Variants in LGI1 observed in about 807,000 individuals in gnomAD.
LGI1 encodes leucine-rich glioma-inactivated protein 1.
LGI1 carries 11 observed loss-of-function variants against 57.7 expected under a neutral mutation model. The ratio of observed to expected loss-of-function variants is 0.19; its 90% CI spans 0.12 to 0.32. The LOEUF is 0.32. Among genes scored for constraint, LGI1 ranks in the 10% least tolerant of loss-of-function variants. The pLI, the probability that LGI1 is intolerant of heterozygous loss-of-function variation, is 1.00. For synonymous variants in LGI1, 222 were observed against 241.9 expected (o/e 0.92, Z 0.76); for missense variants, 422 against 661.9 (o/e 0.64, Z 3.98).
chr10:93,775,305 T>C (rs966766206), intron 2 of LGI1, among the ~76,000 whole-genome samples: 1 of 152,206 alleles, frequency 6.6e-6, no homozygotes, highest in African/African-American at 2.4e-5. Context: ...TTTATATAAG[T>C]ACAGTCATAT....
chr10:93,764,231 T>C (rs10882330), intron 2 of LGI1: 45,134 of 151,994 alleles, frequency 0.3, 6,931 homozygotes, highest in South Asian at 0.43. Flanking sequence ...TGTATTTGAA[T>C]GCATTAGTTT....
At chr10:93,791,003 A>G (rs1040023307) in intron 5 of LGI1, 1 of 152,242 alleles carries the variant, frequency 6.6e-6, no homozygotes, top group Non-Finnish European at 1.5e-5. Context: ...TATATTCAAA[A>G]CAACTTTTCT....
At chr10:93,773,252 C>T (rs1269821433) in intron 2 of LGI1, among the ~76,000 whole-genome samples, 2 of 152,030 alleles carry the variant, frequency 1.3e-5, no homozygotes, top group South Asian at 2.1e-4. Context: ...TTCTTAAATC[C>T]GTATGAGCTG....
intron 2 of LGI1, chr10:93,777,054 C>T (rs184605345): frequency 2.1e-5 from 9 of 428,938 alleles, no homozygotes; most frequent in Admixed American, 1.5e-4. Context: ...ATTGTTAGTG[C>T]CTTTGTCATG....
chr10:93,784,590 C>T (rs1450015630), intron 4 of LGI1, among the ~76,000 whole-genome samples: 1 of 152,172 alleles, frequency 6.6e-6, no homozygotes, highest in African/African-American at 2.4e-5. Flanking sequence ...GAGCCTGGTA[C>T]TCCTTAAACC....
intron 4 of LGI1, chr10:93,782,983 T>C (rs924189401): frequency 1.4e-4 from 22 of 152,278 alleles, no homozygotes; most frequent in Admixed American, 1.2e-3. Flanking sequence ...TCATCATTTC[T>C]GTGAAGAAGG....
chr10:93,794,019 C>CTTTTTTTTTTTTTTTTTTTTTTT (rs5787082), intron 7 of LGI1: 1 of 87,836 alleles, frequency 1.1e-5, no homozygotes, highest in African/African-American at 4.0e-5. Context: ...CTTTTTTTTT[C>CTTTTTTTTTTTTTTTTTTTTTTT]TTTTTTTTTT....
chr10:93,793,731 C>CG (rs1180616821), intron 7 of LGI1, among the ~76,000 whole-genome samples: 1 of 152,158 alleles, frequency 6.6e-6, no homozygotes, highest in African/African-American at 2.4e-5. Flanking sequence ...CACTGACACC[C>CG]CTCAACCCCT....
chr10:93,790,508 T>C, intron 5 of LGI1: 1 of 259,810 alleles, frequency 3.8e-6, no homozygotes, highest in South Asian at 5.5e-5. Flanking sequence ...GTCCAGGAAA[T>C]AGGGCTACAA....
intron 2 of LGI1, chr10:93,764,476 G>T (rs1160368426): frequency 6.6e-6 from 1 of 152,136 alleles, no homozygotes; most frequent in African/African-American, 2.4e-5. Flanking sequence ...GCTGGTTGTT[G>T]ATCCTGTGGC....
chr10:93,782,677 C>T (rs1564847123), intron 4 of LGI1: 1 of 152,250 alleles, frequency 6.6e-6, no homozygotes, highest in Non-Finnish European at 1.5e-5. Context: ...ATGCTAAATG[C>T]TACAGTGTAT....
At chr10:93,772,876 A>G (rs1361436104) in intron 2 of LGI1, 1 of 151,970 alleles carries the variant, frequency 6.6e-6, no homozygotes. Context: ...GGAGTTCAAG[A>G]CCAGCCTGGG....
chr10:93,762,094 T>C (rs2133979816), intron 2 of LGI1, among the ~76,000 whole-genome samples: 1 of 152,362 alleles, frequency 6.6e-6, no homozygotes, highest in East Asian at 1.9e-4. Flanking sequence ...TAAACCCCTG[T>C]AATTCCCGAG....
chr10:93,765,186 G>A (rs2059661400), intron 2 of LGI1: 1 of 152,192 alleles, frequency 6.6e-6, no homozygotes. Context: ...CTATTGGGCT[G>A]CGTGATCCAA....
At chr10:93,765,860 C>T (rs112125518) in intron 2 of LGI1, among the ~76,000 whole-genome samples, 27 of 151,454 alleles carry the variant, frequency 1.8e-4, no homozygotes, top group African/African-American at 6.3e-4. Context: ...GTCCCAGCTA[C>T]TCGGGAGGCT....
intron 7 of LGI1, among the ~76,000 whole-genome samples, chr10:93,795,009 A>C (rs749838407): frequency 6.6e-5 from 10 of 151,716 alleles, no homozygotes; most frequent in Non-Finnish European, 1.2e-4. Context: ...TCCTCTCTGA[A>C]GGAAGAAGGT....
At chr10:93,794,969 C>T (rs2059967758) in intron 7 of LGI1, 1 of 151,224 alleles carries the variant, frequency 6.6e-6, no homozygotes, top group South Asian at 2.1e-4. Context: ...AACTGAGACC[C>T]TTTTGGAATC....
At chr10:93,789,957 T>C in intron 4 of LGI1, 142 bp from the exon 5 acceptor site, 1 of 726,590 alleles carries the variant, frequency 1.4e-6, no homozygotes, top group Non-Finnish European at 2.3e-6. Flanking sequence ...ATCTGAGTAG[T>C]AGTTCAGAAG....
At chr10:93,774,547 T>A (rs1012577059) in intron 2 of LGI1, among the ~76,000 whole-genome samples, 1 of 152,200 alleles carries the variant, frequency 6.6e-6, no homozygotes, top group Non-Finnish European at 1.5e-5. Context: ...GCTGGCTCCA[T>A]TTCTCAGTCT....
Sources: gnomAD v4.1 joint callset for allele counts (sites outside exome capture counted in the v4.1 genomes callset) on GRCh38, gnomAD v4.1.1 for gene constraint, MANE v1.5 for transcripts, NCBI Gene and HGNC (gene_info 2026-07-23, HGNC 2026-07-21) for gene names.